Variants in DNAJC3 observed in about 807,000 individuals in gnomAD.
DNAJC3 encodes DnaJ heat shock protein family (Hsp40) member C3.
In DNAJC3, 38 loss-of-function variants were observed where a neutral mutation model predicts 68.6. The ratio of observed to expected loss-of-function variants is 0.55; its 90% confidence interval spans 0.43 to 0.73. The LOEUF (loss-of-function observed/expected upper bound fraction) is 0.73, where lower values mean the gene tolerates loss of function less well. DNAJC3 is among the 30% of genes least tolerant of loss of function. The pLI, the probability that DNAJC3 is intolerant of heterozygous loss-of-function variation, is 0.00. For missense variants in DNAJC3, 526 were observed against 591.9 expected (o/e 0.89, Z 1.16); for synonymous variants, 203 against 204.0 (o/e 1.00, Z 0.04).
intron 9 of DNAJC3, among the ~76,000 whole-genome samples, chr13:95,779,301 T>C (rs1213043084): frequency 6.6e-6 from 1 of 151,828 alleles, no homozygotes; most frequent in Admixed American, 6.6e-5. Flanking sequence ...TTTTTTCTAT[T>C]TTTTAGTAGA....
intron 9 of DNAJC3, among the ~76,000 whole-genome samples, chr13:95,776,798 A>G (rs1883305580): frequency 6.6e-6 from 1 of 151,986 alleles, no homozygotes; most frequent in Non-Finnish European, 1.5e-5. Context: ...TGCCTTTGTA[A>G]TATTACTCAA....
chr13:95,698,767 C>T (rs1880514909), intron 1 of DNAJC3, among the ~76,000 whole-genome samples: 1 of 152,068 alleles, frequency 6.6e-6, no homozygotes, highest in Non-Finnish European at 1.5e-5. Context: ...ATAGCAAATG[C>T]AAAGGGATGA....
chr13:95,738,890 C>T (rs560942864), intron 4 of DNAJC3, among the ~76,000 whole-genome samples: 36 of 151,114 alleles, frequency 2.4e-4, no homozygotes, highest in Non-Finnish European at 2.8e-4. Flanking sequence ...TTATTTTGCT[C>T]GTTAGTTGAT....
chr13:95,680,364 C>T (rs996247669), intron 1 of DNAJC3, among the ~76,000 whole-genome samples: 6 of 152,134 alleles, frequency 3.9e-5, no homozygotes, highest in Middle Eastern at 6.8e-3. Context: ...AAAATCTATA[C>T]GTATAAAATA....
At chr13:95,790,576 T>G (rs1299402646) in intron 11 of DNAJC3, among the ~76,000 whole-genome samples, 1 of 152,160 alleles carries the variant, frequency 6.6e-6, no homozygotes, top group Non-Finnish European at 1.5e-5. Flanking sequence ...CCAAATAATT[T>G]CATTGGGTAG....
At chr13:95,682,872 A>C (rs1239163227) in intron 1 of DNAJC3, among the ~76,000 whole-genome samples, 1 of 152,220 alleles carries the variant, frequency 6.6e-6, no homozygotes, top group Non-Finnish European at 1.5e-5. Context: ...ATGAATTATA[A>C]TACGTTTAAG....
At chr13:95,773,511 T>G (rs1282062392) in intron 9 of DNAJC3, among the ~76,000 whole-genome samples, 1 of 152,056 alleles carries the variant, frequency 6.6e-6, no homozygotes, top group Non-Finnish European at 1.5e-5. Flanking sequence ...TAATATTTTC[T>G]GTTTCATCTG....
intron 4 of DNAJC3, chr13:95,743,081 T>G (rs1452184124): frequency 2.8e-6 from 1 of 357,496 alleles, no homozygotes; most frequent in Non-Finnish European, 5.4e-6. Context: ...CAAAAATCAG[T>G]TGGCTGTACT....
intron 9 of DNAJC3, among the ~76,000 whole-genome samples, chr13:95,764,541 G>C (rs1018712716): frequency 6.7e-6 from 1 of 148,688 alleles, no homozygotes; most frequent in Admixed American, 6.7e-5. Context: ...AATAACAAGA[G>C]ATTCCTGCCA....
At chr13:95,734,097 G>A (rs1164436500) in intron 4 of DNAJC3, among the ~76,000 whole-genome samples, 2 of 152,088 alleles carry the variant, frequency 1.3e-5, no homozygotes, top group African/African-American at 4.8e-5. Flanking sequence ...GGTAACATTT[G>A]AATCCTTTCT....
At chr13:95,740,498 G>C (rs997780022) in intron 4 of DNAJC3, among the ~76,000 whole-genome samples, 4 of 152,192 alleles carry the variant, frequency 2.6e-5, no homozygotes, top group Admixed American at 6.6e-5. Context: ...GCCAGGTGCC[G>C]GATATAATCT....
chr13:95,680,569 T>C (rs1879886245), intron 1 of DNAJC3, among the ~76,000 whole-genome samples: 1 of 152,232 alleles, frequency 6.6e-6, no homozygotes, highest in African/African-American at 2.4e-5. Flanking sequence ...AGAATTATTT[T>C]AAATTCTTTA....
In DNAJC3 at chr13:95,779,248, T is replaced by C. The variant is rs529699795; in HGVS notation, c.1076-6691T>C. ...CACCCATTCTCCTGCCTCAGCCTCC[T>C]GAGTAGCTGGGACTACAGGCGCCCG... On this transcript the variant is annotated intron_variant, in intron 9 of 11. Coordinates refer to ENST00000602402, the MANE Select transcript of DNAJC3 (RefSeq NM_006260.5). Among the ~76,000 whole-genome samples, 10 of 150,638 alleles carry C rather than the reference T, an allele frequency of 6.6e-5. No homozygotes were observed. The South Asian group carries it at 1.1e-3, about 16-fold the overall frequency.
At chr13:95,716,647 C>T (rs571806908) in intron 2 of DNAJC3, among the ~76,000 whole-genome samples, 1 of 152,222 alleles carries the variant, frequency 6.6e-6, no homozygotes, top group South Asian at 2.1e-4. Flanking sequence ...AGGTGGTCTT[C>T]CTCTGGAGTC....
chr13:95,782,076 T>G (rs565712402), intron 9 of DNAJC3, among the ~76,000 whole-genome samples: 8 of 152,316 alleles, frequency 5.3e-5, no homozygotes, highest in African/African-American at 1.9e-4. Flanking sequence ...GTTCCTGTGT[T>G]AGTTTGCTGA....
chr13:95,679,706 T>C (rs140470887), intron 1 of DNAJC3, among the ~76,000 whole-genome samples: 20 of 152,310 alleles, frequency 1.3e-4, no homozygotes, highest in African/African-American at 4.6e-4. Flanking sequence ...TTATGTGAGA[T>C]GATAGATATA....
chr13:95,707,706 G>T (rs1231490865), intron 1 of DNAJC3, among the ~76,000 whole-genome samples: 4 of 152,180 alleles, frequency 2.6e-5, no homozygotes, highest in African/African-American at 9.7e-5. Flanking sequence ...GAACTGTTAA[G>T]TTGTGATAGG....
At chr13:95,788,963 C>T (rs964364682) in intron 11 of DNAJC3, among the ~76,000 whole-genome samples, 2 of 152,158 alleles carry the variant, frequency 1.3e-5, no homozygotes, top group African/African-American at 4.8e-5. Flanking sequence ...TGGGTTTCCT[C>T]CTCCTAAATA....
chr13:95,708,565 G>A (rs1420553238), intron 1 of DNAJC3, among the ~76,000 whole-genome samples: 1 of 152,088 alleles, frequency 6.6e-6, no homozygotes, highest in African/African-American at 2.4e-5. Context: ...TGTCTGCATG[G>A]TGAGTTCCTC....
Sources: allele counts gnomAD v4.1 joint callset (sites outside exome capture counted in the v4.1 genomes callset), GRCh38; gene constraint gnomAD v4.1.1; transcripts MANE v1.5; gene names NCBI Gene and HGNC (gene_info 2026-07-23, HGNC 2026-07-21).